Variants in CDC42BPA observed in about 807,000 individuals in gnomAD.
CDC42BPA encodes CDC42 binding protein kinase alpha, also known as serine/threonine-protein kinase MRCK alpha.
Under a neutral mutation model 223.5 loss-of-function variants are expected in CDC42BPA, and 80 were observed. The observed-to-expected ratio is 0.36, with a 90% CI of 0.30 to 0.43. CDC42BPA has a LOEUF of 0.43. Among genes scored for constraint, CDC42BPA ranks in the 20% least tolerant of loss-of-function variants. CDC42BPA has a pLI of 1.00. For missense variants in CDC42BPA, 1,743 were observed against 2,099.9 expected (o/e 0.83, Z 3.32); for synonymous variants, 694 against 718.6 (o/e 0.97, Z 0.55).
intron 23 of CDC42BPA, among the ~76,000 whole-genome samples, chr1:227,047,287 C>T (rs1361603775): frequency 6.6e-6 from 1 of 152,012 alleles, no homozygotes; most frequent in African/African-American, 2.4e-5. Context: ...ATTTTAAATT[C>T]ATGTTCTATC....
chr1:227,031,147 G>A, intron 28 of CDC42BPA, 151 bp downstream of exon 28: 1 of 639,964 alleles, frequency 1.6e-6, no homozygotes, highest in Non-Finnish European at 2.8e-6. Flanking sequence ...TCTGATATAG[G>A]TCTCATTCAT....
intron 4 of CDC42BPA, among the ~76,000 whole-genome samples, chr1:227,198,500 T>TTAAA (rs72273773): frequency 8.9e-3 from 40 of 4,470 alleles, no homozygotes; most frequent in African/African-American, 0.028. Flanking sequence ...TGTAACTAAC[T>TTAAA]TGATTTTATT....
chr1:227,129,806 G>C (rs1393109673), intron 10 of CDC42BPA, among the ~76,000 whole-genome samples: 2 of 148,886 alleles, frequency 1.3e-5, no homozygotes, highest in African/African-American at 5.0e-5. Flanking sequence ...TTTTCTCCTA[G>C]TAGGAACATC....
At chr1:227,158,399 C>T (rs1395949023) in intron 6 of CDC42BPA, among the ~76,000 whole-genome samples, 3 of 151,644 alleles carry the variant, frequency 2.0e-5, no homozygotes, top group Admixed American at 6.6e-5. Flanking sequence ...TTTTTGAATC[C>T]TTGTCATTGT....
chr1:227,254,830 CAG>C (rs1416513409), intron 1 of CDC42BPA, among the ~76,000 whole-genome samples: 3 of 152,144 alleles, frequency 2.0e-5, no homozygotes, highest in Non-Finnish European at 4.4e-5. Flanking sequence ...AAGGAGATAA[CAG>C]ATAAATTGAA....
At chr1:227,168,662 A>ATTTTTTTTTTT in intron 5 of CDC42BPA, among the ~76,000 whole-genome samples, 1 of 150,910 alleles carries the variant, frequency 6.6e-6, no homozygotes, top group Non-Finnish European at 1.5e-5. Context: ...CGTCCGGCTA[A>ATTTTTTTTTTT]TTTTTTTTGT....
In CDC42BPA at chr1:227,143,079, T is replaced by C. The variant is rs1659993290; in HGVS notation, c.1144-55A>G. The C allele has an allele frequency of 2.6e-6, 3 of 1,143,706 alleles. No individual in the cohort carries two copies. The East Asian group carries it at 8.8e-5, about 34-fold the overall frequency. 70.8% of individuals were successfully genotyped at this position (1,143,706 alleles called of 1,614,324 possible). On this transcript the variant is annotated intron_variant, in intron 8 of 36. Transcript: ENST00000366766. ...ATAGATAGCTATATGATCTGTAGGC[T>C]TGGCTATAAATATAAAATGCCAAAA...
chr1:227,034,389 T>TCGC (rs1484350403), intron 26 of CDC42BPA, among the ~76,000 whole-genome samples: 28 of 152,184 alleles, frequency 1.8e-4, no homozygotes, highest in Non-Finnish European at 5.9e-5. Context: ...ATGGTAGGCC[T>TCGC]CCATTACCCC....
chr1:227,216,124 A>C (rs61834586), intron 2 of CDC42BPA, among the ~76,000 whole-genome samples: 17,488 of 137,246 alleles, frequency 0.13, 1,222 homozygotes, highest in South Asian at 0.23. Context: ...CTCTCTCTAT[A>C]TATATATATA....
chr1:227,060,716 A>G (rs1473214350), intron 21 of CDC42BPA, among the ~76,000 whole-genome samples: 2 of 126,526 alleles, frequency 1.6e-5, no homozygotes, highest in Non-Finnish European at 3.3e-5. Flanking sequence ...GTAAATAGGT[A>G]CTTTTTTTTT....
chr1:227,237,680 G>C (rs566804211), intron 2 of CDC42BPA, among the ~76,000 whole-genome samples: 25 of 152,302 alleles, frequency 1.6e-4, no homozygotes, highest in African/African-American at 6.0e-4. Context: ...GAATATGTAA[G>C]AGTTTTAACT....
intron 14 of CDC42BPA, 124 bp from the exon 15 acceptor site, chr1:227,101,363 A>C: frequency 1.8e-6 from 1 of 556,276 alleles, no homozygotes; most frequent in South Asian, 4.2e-5. Flanking sequence ...AACAAAAATA[A>C]AATTCTATGT....
At chr1:227,113,679 C>T (rs988567540) in intron 12 of CDC42BPA, among the ~76,000 whole-genome samples, 2 of 151,178 alleles carry the variant, frequency 1.3e-5, no homozygotes, top group African/African-American at 4.9e-5. Flanking sequence ...TAAAAATGAC[C>T]AAGCAGATTT....
chr1:227,227,798 T>G (rs146700766), intron 2 of CDC42BPA, among the ~76,000 whole-genome samples: 1 of 151,672 alleles, frequency 6.6e-6, no homozygotes, highest in East Asian at 1.9e-4. Flanking sequence ...TAAAACTAAG[T>G]GGATTTACAA....
chr1:227,010,801 G>GCAAT, intron 34 of CDC42BPA: 3 of 832,516 alleles, frequency 3.6e-6, no homozygotes, highest in Non-Finnish European at 4.9e-6. Flanking sequence ...CATTTCAGCG[G>GCAAT]TGTTACTTAT....
chr1:227,194,577 T>C (rs570629792), intron 4 of CDC42BPA, among the ~76,000 whole-genome samples: 41 of 152,312 alleles, frequency 2.7e-4, no homozygotes, highest in African/African-American at 9.1e-4. Context: ...CTTATGGGTA[T>C]GTATGTGGTG....
intron 3 of CDC42BPA, among the ~76,000 whole-genome samples, chr1:227,207,031 T>C (rs1340894707): frequency 1.4e-5 from 2 of 146,816 alleles, no homozygotes; most frequent in South Asian, 2.2e-4. Context: ...GCTGCACCCA[T>C]TAACTCGTCA....
Position 227,129,318 on chromosome 1 carries a change from C to A in CDC42BPA, c.1391-87G>T, listed in dbSNP as rs1281093197. 3.0e-6 allele frequency: 3 copies of A among 985,520 alleles called. No homozygotes were observed. In the African/African-American group the frequency reaches 5.1e-5, roughly 17 times the overall value. The allele number at this position is 985,520 out of a possible 1,614,324, so 61.0% of individuals were successfully genotyped here. ...AACATTATTTTTTTGGAGAGAAATT[C>A]TTATACAATTTTATAGAACAAAACA... On this transcript the variant is annotated intron_variant, in intron 10 of 36. Transcript: ENST00000366766.
intron 21 of CDC42BPA, among the ~76,000 whole-genome samples, chr1:227,067,202 G>A (rs1337538628): frequency 1.3e-5 from 2 of 152,134 alleles, no homozygotes; most frequent in African/African-American, 2.4e-5. Context: ...TGGCTGCGGG[G>A]TGCTCAGGCA....
Sources: allele counts gnomAD v4.1 joint callset (sites outside exome capture counted in the v4.1 genomes callset), GRCh38; gene constraint gnomAD v4.1.1; transcripts MANE v1.5; gene names NCBI Gene and HGNC (gene_info 2026-07-23, HGNC 2026-07-21).